TFDP2: variants seen among roughly 807,000 people sequenced by gnomAD.
TFDP2 encodes the protein transcription factor Dp-2 (E2F dimerization partner 2).
TFDP2 carries 17 observed loss-of-function variants against 59.3 expected under a neutral mutation model. That is an observed-to-expected ratio of 0.29 (90% CI 0.20 to 0.43). TFDP2 has a LOEUF of 0.43. TFDP2 is among the 20% of genes least tolerant of loss of function. TFDP2 has a pLI of 1.00. For missense variants in TFDP2, 391 were observed against 528.8 expected (o/e 0.74, Z 2.56); for synonymous variants, 180 against 194.7 (o/e 0.92, Z 0.63).
At chr3:142,136,779 T>G (rs1284575605) in intron 1 of TFDP2, among the ~76,000 whole-genome samples, 1 of 152,046 alleles carries the variant, frequency 6.6e-6, no homozygotes, top group Non-Finnish European at 1.5e-5. Context: ...ACCAGTACCA[T>G]GCTGTTTTGG....
intron 3 of TFDP2, among the ~76,000 whole-genome samples, chr3:142,088,587 C>T (rs529110384): frequency 2.2e-4 from 33 of 150,976 alleles, no homozygotes; most frequent in South Asian, 6.3e-4. Context: ...TAGGTGTGAG[C>T]CACTGCGCCA....
At position 141,968,383 on chromosome 3, in the gene TFDP2, CAT is replaced by C. The variant is rs1199807865; in HGVS notation, c.732+1688_732+1689del. Among the ~76,000 whole-genome samples the C allele has an allele frequency of 1.1e-4, 12 of 105,016 alleles. 1 individual carries two copies. The highest frequency in any genetic ancestry group is 4.7e-4 in the Admixed American group (4 of 8,472). The allele number at this position is 105,016 out of a possible 152,430, so 68.9% of individuals were successfully genotyped here. On this transcript the variant is annotated intron_variant, in intron 9 of 12. Transcript: ENST00000489671. Reference sequence around the variant, plus strand: ...TATATCTCATATATAACATATATCTCATATATATAACATATATATCATATATA... The same window carrying C: ...TATATCTCATATATAACATATATCTCATATATAACATATATATCATATATA...
chr3:142,092,682 C>A (rs1158777198), intron 3 of TFDP2, among the ~76,000 whole-genome samples: 2 of 152,154 alleles, frequency 1.3e-5, no homozygotes, highest in Non-Finnish European at 2.9e-5. Context: ...AAGAAATACA[C>A]ACATACACAC....
intron 3 of TFDP2, among the ~76,000 whole-genome samples, chr3:142,071,305 C>T (rs1190530053): frequency 6.6e-6 from 1 of 151,994 alleles, no homozygotes; most frequent in Non-Finnish European, 1.5e-5. Context: ...TACAGGCGCA[C>T]ACCACCGCAC....
At chr3:141,998,894 C>G (rs9877536) in intron 4 of TFDP2, among the ~76,000 whole-genome samples, 59,355 of 151,876 alleles carry the variant, frequency 0.39, 13,309 homozygotes, top group African/African-American at 0.64. Flanking sequence ...AAAGCCAAGA[C>G]AGCATATGTA....
intron 3 of TFDP2, among the ~76,000 whole-genome samples, chr3:142,059,078 T>A (rs2059833616): frequency 1.3e-5 from 2 of 152,144 alleles, no homozygotes; most frequent in African/African-American, 4.8e-5. Context: ...ATGAACAAAA[T>A]TTATTTTTTA....
intron 3 of TFDP2, among the ~76,000 whole-genome samples, chr3:142,034,244 C>T (rs981649112): frequency 7.9e-5 from 12 of 151,820 alleles, no homozygotes; most frequent in Non-Finnish European, 2.9e-5. Flanking sequence ...TACAGGCATG[C>T]GCCACCACGC....
At chr3:142,000,291 G>A (rs1404486999) in intron 4 of TFDP2, 5 of 702,702 alleles carry the variant, frequency 7.1e-6, no homozygotes, top group East Asian at 2.7e-5. Context: ...TGAAAGTGCC[G>A]GCAGATTCAG....
intron 5 of TFDP2, chr3:141,994,542 G>A (rs964156511): frequency 2.0e-5 from 3 of 152,032 alleles, no homozygotes; most frequent in Non-Finnish European, 4.4e-5. Context: ...GTAACAGAAG[G>A]GATATTGATT....
At chr3:141,969,236 T>TATATATAAC (rs1214333511) in intron 9 of TFDP2, among the ~76,000 whole-genome samples, 1 of 98,098 alleles carries the variant, frequency 1.0e-5, no homozygotes, top group African/African-American at 4.5e-5. Flanking sequence ...ATATGAGATA[T>TATATATAAC]ATATATATAT....
At position 141,951,575 on chromosome 3, in the gene TFDP2, T is replaced by C. The variant is rs534044229; in HGVS notation, c.*938A>G. ...ATGACATTTGGTTCATTTTCACAAA[T>C]TGCACACTGGGTGAGATCATACAAT... On this transcript the variant is annotated 3_prime_UTR_variant, in exon 13 of 13. Transcript: ENST00000489671. 2 of 152,794 alleles carry C rather than the reference T, an allele frequency of 1.3e-5. No individual in the cohort carries two copies. The highest frequency in any genetic ancestry group is 2.4e-5 in the African/African-American group (1 of 41,590). 9.5% of individuals were successfully genotyped at this position (152,794 alleles called of 1,614,324 possible).
At chr3:141,971,807 T>A (rs1251699887) in intron 8 of TFDP2, among the ~76,000 whole-genome samples, 6 of 152,204 alleles carry the variant, frequency 3.9e-5, no homozygotes, top group African/African-American at 1.4e-4. Flanking sequence ...CCAGTCTGCT[T>A]TTTGTTCTGT....
At chr3:142,108,413 T>A (rs1394640408) in intron 1 of TFDP2, among the ~76,000 whole-genome samples, 1 of 152,124 alleles carries the variant, frequency 6.6e-6, no homozygotes, top group Non-Finnish European at 1.5e-5. Context: ...TTTCACCATG[T>A]TGGCCAGGCT....
At chr3:142,038,579 T>C (rs996674162) in intron 3 of TFDP2, among the ~76,000 whole-genome samples, 2 of 152,118 alleles carry the variant, frequency 1.3e-5, no homozygotes, top group African/African-American at 4.8e-5. Flanking sequence ...TAGCTTTTTA[T>C]ATAATGTCCA....
At chr3:142,130,174 T>C (rs1256234155) in intron 1 of TFDP2, among the ~76,000 whole-genome samples, 2 of 152,108 alleles carry the variant, frequency 1.3e-5, no homozygotes, top group African/African-American at 4.8e-5. Context: ...TTATTCATAA[T>C]GGTTAAAATG....
intron 1 of TFDP2, among the ~76,000 whole-genome samples, chr3:142,107,931 A>C (rs1460998360): frequency 6.6e-6 from 1 of 152,140 alleles, no homozygotes; most frequent in Admixed American, 6.5e-5. Flanking sequence ...AATCCTTTAA[A>C]ATCTCATATA....
chr3:142,022,363 A>G (rs920579780), intron 3 of TFDP2, among the ~76,000 whole-genome samples: 8 of 152,200 alleles, frequency 5.3e-5, no homozygotes, highest in African/African-American at 1.4e-4. Flanking sequence ...ACTCTAGTAC[A>G]CTGAACTTAT....
At chr3:142,018,280 T>C (rs1945299747) in intron 3 of TFDP2, among the ~76,000 whole-genome samples, 2 of 152,074 alleles carry the variant, frequency 1.3e-5, no homozygotes, top group African/African-American at 4.8e-5. Context: ...GTATTCCCTT[T>C]TATGGCTCCA....
At chr3:142,028,459 C>T (rs1337614064) in intron 3 of TFDP2, 1 of 519,212 alleles carries the variant, frequency 1.9e-6, no homozygotes, top group Non-Finnish European at 2.4e-6. Context: ...CAAGCAAGGA[C>T]GTCTTGAAAT....
Sources: gnomAD v4.1 joint callset for allele counts (sites outside exome capture counted in the v4.1 genomes callset) on GRCh38, gnomAD v4.1.1 for gene constraint, MANE v1.5 for transcripts, NCBI Gene and HGNC (gene_info 2026-07-23, HGNC 2026-07-21) for gene names.